ANO1: variants seen among roughly 807,000 people sequenced by gnomAD.
The protein encoded by ANO1 is anoctamin 1, also known as anoctamin-1.
In ANO1, 59 loss-of-function variants were observed where a neutral mutation model predicts 124.0. That is an observed-to-expected ratio of 0.48 (90% CI 0.39 to 0.59). The LOEUF (loss-of-function observed/expected upper bound fraction) is 0.59, where lower values mean the gene tolerates loss of function less well. Ranked by LOEUF, ANO1 falls within the 20% of genes least tolerant of loss-of-function variation. ANO1 has a pLI of 0.00. For synonymous variants in ANO1, 529 were observed against 532.0 expected, an observed-to-expected ratio of 0.99 and a Z score of 0.08; for missense variants, 1,059 against 1,328.0, an observed-to-expected ratio of 0.80 and a Z score of 3.15.
At chr11:69,989,421 G>A (rs1046005387) in intron 1 of ANO1, among the ~76,000 whole-genome samples, 13 of 151,966 alleles carry the variant, frequency 8.6e-5, no homozygotes, top group African/African-American at 2.9e-4. Flanking sequence ...GGAACAGCCA[G>A]TGCAGAAGCC....
chr11:70,116,113 C>T (rs940865408), intron 7 of ANO1, among the ~76,000 whole-genome samples: 2 of 152,168 alleles, frequency 1.3e-5, no homozygotes, highest in African/African-American at 2.4e-5. Flanking sequence ...CCTATTGATA[C>T]GACTCTTCCT....
chr11:70,065,934 C>G (rs1555008513), intron 1 of ANO1, among the ~76,000 whole-genome samples: 1 of 152,192 alleles, frequency 6.6e-6, no homozygotes, highest in Non-Finnish European at 1.5e-5. Context: ...AGCCCGCCGT[C>G]CCCTCTTCCT....
chr11:70,133,023 CAG>C (rs897760294), intron 11 of ANO1, among the ~76,000 whole-genome samples: 1 of 152,162 alleles, frequency 6.6e-6, no homozygotes, highest in African/African-American at 2.4e-5. Flanking sequence ...GCATTTGTGG[CAG>C]AGAGACCAGG....
chr11:70,184,271 C>T (rs1039699430), intron 24 of ANO1, among the ~76,000 whole-genome samples: 1 of 152,176 alleles, frequency 6.6e-6, no homozygotes, highest in Non-Finnish European at 1.5e-5. Context: ...GAGGGAGGCC[C>T]TAGGCAGAGA....
At chr11:70,108,579 T>A (rs2045650800) in intron 6 of ANO1, among the ~76,000 whole-genome samples, 175 bp downstream of exon 6, 1 of 152,168 alleles carries the variant, frequency 6.6e-6, no homozygotes, top group Non-Finnish European at 1.5e-5. Flanking sequence ...AGGGCAGTTT[T>A]ATGGCCCAGC....
chr11:70,004,428 T>C (rs11236305), intron 1 of ANO1, among the ~76,000 whole-genome samples: 74,073 of 152,116 alleles, frequency 0.49, 19,317 homozygotes, highest in East Asian at 0.89. Flanking sequence ...CTAGTCATTG[T>C]GCCCTTCGAG....
intron 13 of ANO1, 42 bp from the exon 14 acceptor site, chr11:70,153,015 A>C (rs902870826): frequency 2.6e-6 from 4 of 1,555,904 alleles, no homozygotes; most frequent in Non-Finnish European, 3.5e-6. Flanking sequence ...GCTCAGACTC[A>C]AAATTAACAA....
chr11:70,149,846 C>T (rs1283304665), intron 12 of ANO1, 54 bp downstream of exon 12: 11 of 1,581,234 alleles, frequency 7.0e-6, no homozygotes, highest in Non-Finnish European at 9.5e-6. Flanking sequence ...TTCCCCCTAC[C>T]CCAGGACCTC....
At chr11:70,147,227 G>C (rs1430971711) in intron 11 of ANO1, among the ~76,000 whole-genome samples, 1 of 152,212 alleles carries the variant, frequency 6.6e-6, no homozygotes, top group Non-Finnish European at 1.5e-5. Flanking sequence ...AGGAGACATC[G>C]GGGGCCTTGC....
intron 2 of ANO1, among the ~76,000 whole-genome samples, chr11:70,090,788 C>T (rs2135252554): frequency 6.6e-6 from 1 of 152,314 alleles, no homozygotes; most frequent in Non-Finnish European, 1.5e-5. Context: ...CAACTTTTCA[C>T]TGGTAACTTG....
rs767942884 is a variant in ANO1 at position 70,165,561 on chromosome 11, T to C, written c.2042T>C (p.Ile681Thr). ...CTGATCCAGAACAACCTGTTCGAGA[T>C]CGGCATCCCGTGAGTGTGCTGCAGC... ...KQLIQNNLFE[I>T]GIPKMKKLIR... The change falls in exon 20 of 26, where the codon ATC (isoleucine) becomes ACC (threonine). Residue 681 changes from isoleucine (I) to threonine (T), a missense_variant. Physicochemically the swap from Ile to Thr is moderately conservative, Grantham distance 89. Transcript: ENST00000355303. 6.2e-7 allele frequency: 1 copy of C among 1,610,612 alleles called. No individual in the cohort carries two copies. The highest frequency in any genetic ancestry group is 8.5e-7 in the Non-Finnish European group (1 of 1,178,530).
chr11:69,996,473 G>A (rs1365769988), intron 1 of ANO1, among the ~76,000 whole-genome samples: 3 of 152,104 alleles, frequency 2.0e-5, no homozygotes, highest in African/African-American at 4.8e-5. Context: ...CATTTCAAAG[G>A]GAGAAATGTT....
intron 18 of ANO1, among the ~76,000 whole-genome samples, chr11:70,162,326 C>A (rs894855285): frequency 1.3e-5 from 2 of 151,980 alleles, no homozygotes; most frequent in Admixed American, 1.3e-4. Context: ...GCAGAGGGGA[C>A]CCCAGGGACT....
rs554053366 is a variant in ANO1, at chr11:70,027,884, G to A, written c.58+41718G>A. On this transcript the variant is annotated intron_variant, in intron 1 of 27. Transcript: ENST00000531349. ...GGCGCATCCTTAGAGCACAGCTTTAGGCACATCATAAAGATCTTCGTCTGT... is the reference window on the plus strand; with the variant it reads ...GGCGCATCCTTAGAGCACAGCTTTAAGCACATCATAAAGATCTTCGTCTGT... Among the ~76,000 whole-genome samples the A allele has an allele frequency of 1.6e-4, 25 of 152,260 alleles. No homozygotes were observed. In the East Asian group the frequency reaches 4.6e-3, roughly 28 times the overall value.
chr11:70,099,111 C>T (rs576211187), intron 2 of ANO1, among the ~76,000 whole-genome samples: 1 of 152,080 alleles, frequency 6.6e-6, no homozygotes, highest in Non-Finnish European at 1.5e-5. Context: ...CCGTGGCTCT[C>T]GACAAAGTAG....
At chr11:70,096,950 A>G (rs2045003036) in intron 2 of ANO1, among the ~76,000 whole-genome samples, 2 of 152,184 alleles carry the variant, frequency 1.3e-5, no homozygotes, top group African/African-American at 2.4e-5. Flanking sequence ...ATTGACTTCC[A>G]CAATACCAGT....
chr11:70,182,429 G>A, intron 23 of ANO1, 73 bp from the exon 24 acceptor site: 1 of 1,316,356 alleles, frequency 7.6e-7, no homozygotes, highest in Non-Finnish European at 1.0e-6. Flanking sequence ...CTGTGGATGG[G>A]TCACCCCCTG....
chr11:70,185,906 A>G (rs932335188), intron 25 of ANO1, among the ~76,000 whole-genome samples: 1 of 152,156 alleles, frequency 6.6e-6, no homozygotes, highest in African/African-American at 2.4e-5. Context: ...CTCATGAGAG[A>G]GGAAGGCCAA....
chr11:69,994,480 G>A (rs12290642), intron 1 of ANO1, among the ~76,000 whole-genome samples: 15,649 of 151,980 alleles, frequency 0.1, 911 homozygotes, highest in South Asian at 0.16. Flanking sequence ...ACAGATAAAA[G>A]GAGGGAGGAA....
Sources: allele counts gnomAD v4.1 joint callset (sites outside exome capture counted in the v4.1 genomes callset), GRCh38; gene constraint gnomAD v4.1.1; transcripts MANE v1.5; gene names NCBI Gene and HGNC (gene_info 2026-07-23, HGNC 2026-07-21).